KDM3B: variants seen among roughly 807,000 people sequenced by gnomAD.
KDM3B encodes the protein lysine demethylase 3B, also known as lysine-specific demethylase 3B.
A neutral mutation model predicts 170.0 loss-of-function variants in KDM3B; 10 were observed. The observed-to-expected ratio is 0.06, with a 90% CI of 0.04 to 0.10. The LOEUF (loss-of-function observed/expected upper bound fraction) is 0.10. KDM3B is among the 10% of genes least tolerant of loss of function. The pLI is 1.00. For missense variants in KDM3B, 1,394 were observed against 2,195.2 expected, an observed-to-expected ratio of 0.64 and a Z score of 7.29; for synonymous variants, 831 against 834.8, an observed-to-expected ratio of 1.00 and a Z score of 0.08.
intron 15 of KDM3B, 72 bp from the exon 16 acceptor site, chr5:138,424,003 G>T: frequency 6.9e-7 from 1 of 1,444,268 alleles, no homozygotes; most frequent in Non-Finnish European, 9.3e-7. Flanking sequence ...GAATACAATT[G>T]TGAGACAGTT....
In KDM3B at chr5:138,391,785, C is replaced by G. The variant is rs754696681; in HGVS notation, c.2153C>G (p.Ser718Cys). ...SALTSGGPSLSAMGNGRSSSP... is the reference protein window; with the variant it reads ...SALTSGGPSLCAMGNGRSSSP... ...CTTACCAGTGGGGGCCCAAGCCTCT[C>G]TGCCATGGGGAATGGCCGCTCCAGC... Residue 718 changes from serine (S) to cysteine (C), a missense_variant, in exon 8 of 24, where the codon TCT becomes TGT. By Grantham distance (112) the Ser-to-Cys change is moderately radical (BLOSUM62 -1). Transcript: ENST00000314358. This position sits in a 1 kb window ranked among gnomAD's most constrained non-coding sequence, Gnocchi z 5.0. The G allele has an allele frequency of 3.1e-6, 5 of 1,614,098 alleles. No homozygotes were observed. Among genetic ancestry groups the G allele is most frequent in the Non-Finnish European group, 4.2e-6 (5 of 1,180,002 alleles).
chr5:138,413,262 A>C (rs1051080545), intron 11 of KDM3B, among the ~76,000 whole-genome samples: 1 of 152,018 alleles, frequency 6.6e-6, no homozygotes, highest in Non-Finnish European at 1.5e-5. Context: ...ACGCACTTGT[A>C]GTCTCAGCTA....
At chr5:138,394,544 C>T (rs1445751830) in intron 9 of KDM3B, among the ~76,000 whole-genome samples, 6 of 152,162 alleles carry the variant, frequency 3.9e-5, no homozygotes, top group Non-Finnish European at 2.9e-5. Context: ...ATACACCACA[C>T]TGTGACAGGT....
chr5:138,435,265 T>G (rs948451159), intron 23 of KDM3B, among the ~76,000 whole-genome samples: 1 of 152,308 alleles, frequency 6.6e-6, no homozygotes, highest in Admixed American at 6.5e-5. Context: ...ACTGTGGCCT[T>G]AGTTTCCGCA....
rs770651881 is a variant in KDM3B at position 138,379,575 on chromosome 5, C to T, written c.581-9C>T. The T allele has an allele frequency of 6.2e-7, 1 of 1,606,472 alleles. No homozygotes were observed. The highest frequency in any genetic ancestry group is 8.5e-7 in the Non-Finnish European group (1 of 1,176,820). On this transcript the variant is annotated splice_polypyrimidine_tract_variant and intron_variant, in intron 4 of 23. Coordinates refer to ENST00000314358, the MANE Select transcript of KDM3B (RefSeq NM_016604.4). The stretch of plus-strand genomic sequence containing the variant: ...AAAAATACTCAATACTGACTGATCT[C>T]CCTTTTAGGTCCCTACAGTGTTCAA...
At chr5:138,383,925 G>A (rs1338360203) in intron 6 of KDM3B, among the ~76,000 whole-genome samples, 3 of 151,876 alleles carry the variant, frequency 2.0e-5, no homozygotes, top group South Asian at 2.1e-4. Flanking sequence ...ACTCCAGCCT[G>A]GGTGGCAAGA....
intron 1 of KDM3B, among the ~76,000 whole-genome samples, chr5:138,366,097 CT>C (rs1761739646): frequency 1.3e-5 from 2 of 151,876 alleles, no homozygotes; most frequent in Non-Finnish European, 2.9e-5. Context: ...TCACAATCCC[CT>C]CCCCTCAAAT....
chr5:138,432,213 C>T (rs554292164), intron 23 of KDM3B, among the ~76,000 whole-genome samples: 3 of 152,310 alleles, frequency 2.0e-5, no homozygotes, highest in Non-Finnish European at 2.9e-5. Flanking sequence ...AGAAATATTG[C>T]GCTGAAGCTG....
At chr5:138,393,451 A>C in intron 9 of KDM3B, 79 bp downstream of exon 9, 1 of 1,196,952 alleles carries the variant, frequency 8.4e-7, no homozygotes, top group Non-Finnish European at 1.2e-6. Flanking sequence ...GAGTCTATAA[A>C]CATGTTTCAT....
chr5:138,384,915 G>GGA (rs1762220329), intron 6 of KDM3B, among the ~76,000 whole-genome samples: 2 of 137,636 alleles, frequency 1.5e-5, no homozygotes, highest in African/African-American at 5.4e-5. Context: ...CTCCATCTCA[G>GGA]GAAAAAAAAA....
At chr5:138,400,791 T>C (rs57618921) in intron 11 of KDM3B, among the ~76,000 whole-genome samples, 38,272 of 151,902 alleles carry the variant, frequency 0.25, 5,429 homozygotes, top group East Asian at 0.56. Flanking sequence ...AGCCATTATC[T>C]AATTCCATTT....
chr5:138,422,269 G>A (rs1763291255), intron 15 of KDM3B, among the ~76,000 whole-genome samples: 2 of 151,940 alleles, frequency 1.3e-5, no homozygotes, highest in Admixed American at 6.6e-5. Flanking sequence ...TATCCCTAGT[G>A]CCATGGTGTT....
At chr5:138,428,170 T>G (rs1055987456) in intron 20 of KDM3B, 84 bp downstream of exon 20, 3 of 1,301,376 alleles carry the variant, frequency 2.3e-6, no homozygotes, top group African/African-American at 1.5e-5. Context: ...TTAGGGCCAG[T>G]GGCTTTTCCT....
intron 2 of KDM3B, among the ~76,000 whole-genome samples, chr5:138,373,922 C>G (rs186573667): frequency 6.6e-6 from 1 of 152,294 alleles, no homozygotes; most frequent in East Asian, 1.9e-4. Context: ...ATATTCAAAA[C>G]AATTTTTTTA....
chr5:138,400,394 T>C (rs1762653113), intron 11 of KDM3B, among the ~76,000 whole-genome samples: 1 of 151,860 alleles, frequency 6.6e-6, no homozygotes, highest in South Asian at 2.1e-4. Flanking sequence ...GTACCTGTGT[T>C]TTTTTTTAAA....
intron 23 of KDM3B, among the ~76,000 whole-genome samples, chr5:138,432,485 T>A (rs556659795): frequency 1.2e-4 from 18 of 152,120 alleles, no homozygotes; most frequent in Non-Finnish European, 2.1e-4. Flanking sequence ...CTGGCTAACA[T>A]GTTGATACCC....
intron 8 of KDM3B, 63 bp downstream of exon 8, chr5:138,392,324 T>C: frequency 7.0e-7 from 1 of 1,420,982 alleles, no homozygotes; most frequent in Non-Finnish European, 9.3e-7. Flanking sequence ...CCTGTCGTGT[T>C]CTTGTGCAGC....
chr5:138,363,889 G>T (rs1375368189), intron 1 of KDM3B, among the ~76,000 whole-genome samples: 2 of 150,500 alleles, frequency 1.3e-5, no homozygotes, highest in African/African-American at 4.9e-5. Flanking sequence ...TTCATTTAAT[G>T]TGGCAGTTAT....
At chr5:138,404,138 T>C (rs1228956124) in intron 11 of KDM3B, among the ~76,000 whole-genome samples, 1 of 152,104 alleles carries the variant, frequency 6.6e-6, no homozygotes, top group South Asian at 2.1e-4. Context: ...GCAGGAAATA[T>C]CAGGTAGTCT....
Sources: gnomAD v4.1 joint callset for allele counts (sites outside exome capture counted in the v4.1 genomes callset) on GRCh38, gnomAD v4.1.1 for gene constraint, Gnocchi (gnomAD v3.1) non-coding constraint, MANE v1.5 for transcripts, NCBI Gene and HGNC (gene_info 2026-07-23, HGNC 2026-07-21) for gene names.